Variants in FBLN5 observed in about 807,000 individuals in gnomAD.
FBLN5 encodes the protein fibulin-5.
A neutral mutation model predicts 61.6 loss-of-function variants in FBLN5; 24 were observed. That is an observed-to-expected ratio of 0.39 (90% CI 0.28 to 0.55). The LOEUF is 0.55. Ranked by LOEUF, FBLN5 falls within the 20% of genes least tolerant of loss-of-function variation. FBLN5 has a pLI of 0.65. For synonymous variants in FBLN5, 213 were observed against 219.8 expected (o/e 0.97, Z 0.27); for missense variants, 470 against 594.1 (o/e 0.79, Z 2.17).
rs181218225 is a variant in FBLN5, at chr14:91,936,041, G to C, written c.379+906C>G. The stretch of plus-strand genomic sequence containing the variant: ...GCACACTCCTTCATATAAGCATATA[G>C]AAGACACCTTAAATTAACCAACACA... On this transcript the variant is annotated intron_variant, in intron 4 of 10. Transcript: ENST00000342058. 4.3e-3 allele frequency among the ~76,000 whole-genome samples: 657 copies of C among 152,258 alleles called. 8 individuals carry two copies. The highest frequency in any genetic ancestry group is 0.015 in the African/African-American group (612 of 41,552).
In FBLN5 at chr14:91,889,129, C is replaced by T. The variant is rs144562962; in HGVS notation, c.620-1817G>A. On this transcript the variant is annotated intron_variant, in intron 6 of 10. Transcript: ENST00000342058. ...TGTAGAGAGAGGGTCTAGCAAGACA[C>T]TGGCCCCCACCAGTGCCCGTGGGAG... Among the ~76,000 whole-genome samples, 307 of 152,318 alleles carry T rather than the reference C, an allele frequency of 2.0e-3. 2 individuals carry two copies. The highest frequency in any genetic ancestry group is 0.014 in the Middle Eastern group (4 of 294).
At chr14:91,904,583 T>C (rs556090637) in intron 4 of FBLN5, among the ~76,000 whole-genome samples, 1 of 152,362 alleles carries the variant, frequency 6.6e-6, no homozygotes, top group South Asian at 2.1e-4. Context: ...AGGCTTTTAT[T>C]TCTCCCAGTT....
rs1476079907 is a variant in FBLN5 at position 91,870,105 on chromosome 14, G to A, written c.*119C>T. 9.2e-7 allele frequency: 1 copy of A among 1,088,040 alleles called. No individual in the cohort carries two copies. The highest frequency in any genetic ancestry group is 1.5e-5 in the African/African-American group (1 of 64,798). 67.4% of individuals were successfully genotyped at this position (1,088,040 alleles called of 1,614,324 possible). On this transcript the variant is annotated 3_prime_UTR_variant, in exon 11 of 11. Coordinates refer to ENST00000342058, the MANE Select transcript of FBLN5 (RefSeq NM_006329.4). ...CAGGAAGTCGGGGCTGACTCTTCGG[G>A]GAAACGTTCAGCAGGAAATGCCTAA...
At position 91,945,834 on chromosome 14, in the gene FBLN5, C is replaced by T. The variant is rs567621074; in HGVS notation, c.17+1379G>A. On this transcript the variant is annotated intron_variant, in intron 1 of 10. Coordinates refer to ENST00000342058, the MANE Select transcript of FBLN5 (RefSeq NM_006329.4). ...GAGACAGCTCTGACCTTATAAAGTG[C>T]AGAGCCAAATCCCAGGGCTTTTTGA... Among the ~76,000 whole-genome samples, 23 of 152,276 alleles carry T rather than the reference C, an allele frequency of 1.5e-4. No individual in the cohort carries two copies. The South Asian group carries it at 4.1e-3, about 27-fold the overall frequency.
chr14:91,910,088 C>T (rs1278715666), intron 4 of FBLN5, among the ~76,000 whole-genome samples: 1 of 152,180 alleles, frequency 6.6e-6, no homozygotes, highest in African/African-American at 2.4e-5. Context: ...TTCATAGCAG[C>T]ATTATTCACA....
At chr14:91,883,129 G>A in intron 7 of FBLN5, 53 bp from the exon 8 acceptor site, 2 of 1,602,796 alleles carry the variant, frequency 1.2e-6, no homozygotes, top group Non-Finnish European at 1.7e-6. Context: ...CATGGGGATG[G>A]GAGCTTAGTG....
chr14:91,903,690 G>A (rs1458240447), intron 4 of FBLN5, among the ~76,000 whole-genome samples: 1 of 152,036 alleles, frequency 6.6e-6, no homozygotes, highest in African/African-American at 2.4e-5. Context: ...GGTTAACAGT[G>A]CCACCGTTTT....
At position 91,882,454 on chromosome 14, in the gene FBLN5, C is replaced by A. The variant is rs529399889; in HGVS notation, c.862+500G>T. On this transcript the variant is annotated intron_variant, in intron 8 of 10. Coordinates refer to ENST00000342058, the MANE Select transcript of FBLN5 (RefSeq NM_006329.4). The surrounding 1 kb of genome is among the most constrained non-coding windows in gnomAD (Gnocchi z 4.9). Reference sequence around the variant, plus strand: ...CAGGCAAACAGGAGAAGGCCCACCCCTTTTACAGTCTGGGGTCCCAGCCCT... The same window carrying A: ...CAGGCAAACAGGAGAAGGCCCACCCATTTTACAGTCTGGGGTCCCAGCCCT... Among the ~76,000 whole-genome samples, 1 of 152,216 alleles carries A rather than the reference C, an allele frequency of 6.6e-6. No homozygotes were observed. Among genetic ancestry groups the A allele is most frequent in the South Asian group, 2.1e-4 (1 of 4,830 alleles).
intron 6 of FBLN5, among the ~76,000 whole-genome samples, chr14:91,890,237 T>C (rs1007330323): frequency 2.6e-5 from 4 of 152,246 alleles, no homozygotes; most frequent in African/African-American, 9.6e-5. Flanking sequence ...CACTGATGCC[T>C]TCCTATTTAC....
At chr14:91,889,137 C>A (rs927870738) in intron 6 of FBLN5, among the ~76,000 whole-genome samples, 6 of 152,224 alleles carry the variant, frequency 3.9e-5, no homozygotes, top group African/African-American at 1.4e-4. Context: ...CACTGGCCCC[C>A]ACCAGTGCCC....
chr14:91,875,806 T>G (rs1476963463), intron 10 of FBLN5, among the ~76,000 whole-genome samples: 9 of 152,142 alleles, frequency 5.9e-5, no homozygotes, highest in African/African-American at 1.2e-4. Flanking sequence ...TCACAGTGGG[T>G]AAGAGACAGA....
At position 91,942,851 on chromosome 14, in the gene FBLN5, C is replaced by T. The variant is rs570162560; in HGVS notation, c.72+56G>A. On this transcript the variant is annotated intron_variant, in intron 2 of 10. Coordinates refer to ENST00000342058, the MANE Select transcript of FBLN5 (RefSeq NM_006329.4). ...GGGTTCCGTAGCGCAAGGCTGGACTCCCTCACCCCGGATTTTAATACGCTT... is the reference window on the plus strand; with the variant it reads ...GGGTTCCGTAGCGCAAGGCTGGACTTCCTCACCCCGGATTTTAATACGCTT... The T allele has an allele frequency of 6.0e-6, 7 of 1,163,614 alleles. No individual in the cohort carries two copies. The East Asian group carries it at 1.3e-4, about 21-fold the overall frequency. 72.1% of individuals were successfully genotyped at this position (1,163,614 alleles called of 1,614,324 possible). A position where few individuals can be genotyped will look rare whatever the true frequency, so the allele number is the denominator to read the frequency against.
chr14:91,904,947 G>T (rs1195277628), intron 4 of FBLN5, among the ~76,000 whole-genome samples: 1 of 152,186 alleles, frequency 6.6e-6, no homozygotes, highest in Non-Finnish European at 1.5e-5. Context: ...TCATAGGAGG[G>T]AGGAGCATCA....
intron 3 of FBLN5, 141 bp from the exon 4 acceptor site, chr14:91,937,342 C>CT: frequency 8.5e-6 from 9 of 1,055,388 alleles, no homozygotes; most frequent in Non-Finnish European, 1.3e-5. Context: ...CGGTAAGGTA[C>CT]CCCAAATGTT....
intron 5 of FBLN5, among the ~76,000 whole-genome samples, chr14:91,893,065 A>G (rs1277663034): frequency 6.6e-6 from 1 of 152,140 alleles, no homozygotes; most frequent in Admixed American, 6.5e-5. Context: ...GGGCTGGTAT[A>G]GCCCGGTCTC....
Position 91,877,655 on chromosome 14 carries a change from A to T in FBLN5, c.1017T>A (p.Pro339=). 6.2e-7 allele frequency: 1 copy of T among 1,614,146 alleles called. No homozygotes were observed. Among genetic ancestry groups the T allele is most frequent in the Non-Finnish European group, 8.5e-7 (1 of 1,180,008 alleles). The change falls in exon 10 of 11, where the codon CCT becomes CCA. Residue 339 remains proline, a synonymous_variant. Transcript: ENST00000342058. The part of the protein sequence containing the change: ...DNRCMCPAEN[P]GCRDQPFTIL... Reference sequence around the variant, plus strand: ...TGGTAAAGGGCTGGTCTCTGCAGCCAGGGTTCTCAGCAGGACACATACAGC... The same window carrying T: ...TGGTAAAGGGCTGGTCTCTGCAGCCTGGGTTCTCAGCAGGACACATACAGC...
chr14:91,911,708 C>T (rs1890948770), intron 4 of FBLN5, among the ~76,000 whole-genome samples: 1 of 152,010 alleles, frequency 6.6e-6, no homozygotes, highest in Non-Finnish European at 1.5e-5. Context: ...TGCTCTGGGG[C>T]CCAGTTGAGC....
Position 91,947,154 on chromosome 14 carries a change from G to C in FBLN5, c.17+59C>G. ...CAGCCATAACCATTTTCCACCCATCGGATTTTTAGCAAGGCTTCCAGACCC... is the reference window on the plus strand; with the variant it reads ...CAGCCATAACCATTTTCCACCCATCCGATTTTTAGCAAGGCTTCCAGACCC... On this transcript the variant is annotated intron_variant, in intron 1 of 10. Transcript: ENST00000342058. This position sits in a 1 kb window ranked among gnomAD's most constrained non-coding sequence, Gnocchi z 4.3. 6.2e-7 allele frequency: 1 copy of C among 1,612,068 alleles called. No individual in the cohort carries two copies. The highest frequency in any genetic ancestry group is 8.5e-7 in the Non-Finnish European group (1 of 1,178,330).
At chr14:91,898,414 G>C (rs774688726) in intron 4 of FBLN5, among the ~76,000 whole-genome samples, 4 of 151,932 alleles carry the variant, frequency 2.6e-5, no homozygotes, top group Admixed American at 6.6e-5. Flanking sequence ...CCACCACCAC[G>C]CCAACCACTG....
Sources: allele counts gnomAD v4.1 joint callset (sites outside exome capture counted in the v4.1 genomes callset), GRCh38; gene constraint gnomAD v4.1.1; non-coding constraint Gnocchi (gnomAD v3.1); transcripts MANE v1.5; gene names NCBI Gene and HGNC (gene_info 2026-07-23, HGNC 2026-07-21).